Variants in GAD2 observed in about 807,000 individuals in gnomAD.
The protein encoded by GAD2 is 65 kDa glutamic acid decarboxylase.
A neutral mutation model predicts 80.1 loss-of-function variants in GAD2; 22 were observed. The ratio of observed to expected loss-of-function variants is 0.27; its 90% CI spans 0.20 to 0.39. The LOEUF (loss-of-function observed/expected upper bound fraction) is 0.39. GAD2 is among the 10% of genes least tolerant of loss of function. GAD2 has a pLI of 1.00. For synonymous variants in GAD2, 274 were observed against 256.9 expected (o/e 1.07, Z -0.64); for missense variants, 624 against 738.4 (o/e 0.85, Z 1.80).
rs59054319 is a variant in GAD2 at position 26,218,551 on chromosome 10, TCACA to T, written c.287-458_287-455del. Among the ~76,000 whole-genome samples the T allele has an allele frequency of 1.1e-3, 128 of 118,850 alleles. 1 individual carries two copies. The highest frequency in any genetic ancestry group is 3.9e-3 in the East Asian group (14 of 3,616). The allele number at this position is 118,850 out of a possible 152,430, so 78.0% of individuals were successfully genotyped here. A position where few individuals can be genotyped will look rare whatever the true frequency, so the allele number is the denominator to read the frequency against. On this transcript the variant is annotated intron_variant, in intron 3 of 15. Transcript: ENST00000376261. ...CATGCATACGCTCTCTCTCTCTCTC[TCACA>T]CACACACACACACACACACACACAC...
At chr10:26,274,287 T>C (rs1279835064) in intron 11 of GAD2, among the ~76,000 whole-genome samples, 1 of 152,226 alleles carries the variant, frequency 6.6e-6, no homozygotes, top group African/African-American at 2.4e-5. Context: ...GCACCTTTTA[T>C]TTAGAGCCTA....
At chr10:26,280,459 G>A (rs1253511061) in intron 11 of GAD2, among the ~76,000 whole-genome samples, 1 of 152,020 alleles carries the variant, frequency 6.6e-6, no homozygotes, top group East Asian at 1.9e-4. Context: ...ACTGGGGAGG[G>A]GCCTTCCAGG....
chr10:26,217,691 C>T lies in GAD2; in HGVS notation c.136+22C>T. On this transcript the variant is annotated intron_variant, in intron 2 of 15. Coordinates refer to ENST00000376261, the MANE Select transcript of GAD2 (RefSeq NM_001134366.2). This position sits in a 1 kb window ranked among gnomAD's most constrained non-coding sequence, Gnocchi z 4.9. Reference sequence around the variant, plus strand: ...TGCGGTGAGTGCCCAGGGACCGGGGCGGCCAAGGTCGGCCCGCGGGGTCCA... The same window carrying T: ...TGCGGTGAGTGCCCAGGGACCGGGGTGGCCAAGGTCGGCCCGCGGGGTCCA... The T allele has an allele frequency of 6.2e-7, 1 of 1,610,730 alleles. No individual in the cohort carries two copies. The highest frequency in any genetic ancestry group is 8.5e-7 in the Non-Finnish European group (1 of 1,178,368).
At chr10:26,241,550 C>CTTT (rs562624565) in intron 7 of GAD2, among the ~76,000 whole-genome samples, 229 of 143,326 alleles carry the variant, frequency 1.6e-3, no homozygotes, top group African/African-American at 5.3e-3. Context: ...CTGCTCATTT[C>CTTT]TTTTTTTTTT....
chr10:26,229,133 G>T (rs1350591737), intron 6 of GAD2, among the ~76,000 whole-genome samples: 1 of 151,936 alleles, frequency 6.6e-6, no homozygotes, highest in Non-Finnish European at 1.5e-5. Flanking sequence ...GATAGAGGTG[G>T]CAGTGAGCGG....
chr10:26,290,494 C>T (rs919816814), intron 13 of GAD2, among the ~76,000 whole-genome samples: 13 of 152,118 alleles, frequency 8.5e-5, no homozygotes, highest in Non-Finnish European at 1.2e-4. Context: ...GAGTTCAGTG[C>T]ATATTATGAA....
At chr10:26,265,205 C>CTTTTTTTTTTTTTTTTTTTTTCTTT (rs66464746) in intron 8 of GAD2, among the ~76,000 whole-genome samples, 1 of 137,052 alleles carries the variant, frequency 7.3e-6, no homozygotes. Context: ...CATCATACGA[C>CTTTTTTTTTTTTTTTTTTTTTCTTT]TTTTTTTTTT....
chr10:26,231,733 C>A (rs1219717802), intron 7 of GAD2, among the ~76,000 whole-genome samples: 1 of 152,136 alleles, frequency 6.6e-6, no homozygotes, highest in Admixed American at 6.5e-5. Flanking sequence ...CTGCATTCTT[C>A]CTCGAGGCTC....
At chr10:26,294,532 G>T (rs1336141819) in intron 15 of GAD2, among the ~76,000 whole-genome samples, 1 of 152,212 alleles carries the variant, frequency 6.6e-6, no homozygotes, top group Non-Finnish European at 1.5e-5. Flanking sequence ...AATGTAATCA[G>T]ATTGTGCTTG....
intron 8 of GAD2, among the ~76,000 whole-genome samples, chr10:26,254,710 A>G: frequency 6.6e-6 from 1 of 152,230 alleles, no homozygotes. Context: ...TTTGTGTTAG[A>G]AAGATTATTT....
At chr10:26,261,947 C>A (rs530862340) in intron 8 of GAD2, among the ~76,000 whole-genome samples, 1 of 152,286 alleles carries the variant, frequency 6.6e-6, no homozygotes, top group East Asian at 1.9e-4. Flanking sequence ...CCTTTGCATT[C>A]TTGCAACAAA....
At chr10:26,225,437 A>G (rs975076307) in intron 6 of GAD2, among the ~76,000 whole-genome samples, 5 of 152,234 alleles carry the variant, frequency 3.3e-5, no homozygotes, top group Non-Finnish European at 7.3e-5. Flanking sequence ...TCACTGACCC[A>G]TGGAAAAGAA....
At chr10:26,283,403 A>G (rs981115179) in intron 12 of GAD2, among the ~76,000 whole-genome samples, 3 of 152,252 alleles carry the variant, frequency 2.0e-5, no homozygotes, top group Admixed American at 2.0e-4. Flanking sequence ...TCTTAGGTCC[A>G]TGTATACCGT....
chr10:26,292,418 T>C, intron 13 of GAD2, 47 bp from the exon 14 acceptor site: 1 of 1,426,110 alleles, frequency 7.0e-7, no homozygotes, highest in African/African-American at 1.4e-5. Context: ...AATCGCTTCC[T>C]CCGCACTCTT....
intron 11 of GAD2, among the ~76,000 whole-genome samples, chr10:26,276,181 A>C (rs1461060910): frequency 1.3e-5 from 2 of 151,892 alleles, no homozygotes; most frequent in Non-Finnish European, 2.9e-5. Flanking sequence ...AAAAATAAAA[A>C]TAAATAAATA....
At chr10:26,285,346 A>G (rs1845319117) in intron 12 of GAD2, among the ~76,000 whole-genome samples, 1 of 152,220 alleles carries the variant, frequency 6.6e-6, no homozygotes, top group African/African-American at 2.4e-5. Context: ...ACTTCAACTA[A>G]GTGATGACAC....
intron 12 of GAD2, among the ~76,000 whole-genome samples, chr10:26,281,303 C>A (rs1410397727): frequency 6.6e-6 from 1 of 152,144 alleles, no homozygotes; most frequent in African/African-American, 2.4e-5. Context: ...AGAACATAAA[C>A]TTTGACCTAA....
chr10:26,239,491 A>C (rs1013426252), intron 7 of GAD2, among the ~76,000 whole-genome samples: 1 of 152,250 alleles, frequency 6.6e-6, no homozygotes, highest in African/African-American at 2.4e-5. Context: ...TAGTTAAGGC[A>C]ATAAATAGTG....
rs752962024 is a variant in GAD2 at position 26,292,853 on chromosome 10, CA to C, written c.1495-45del. The C allele has an allele frequency of 1.7e-5, 25 of 1,492,498 alleles. No individual in the cohort carries two copies. The South Asian group carries it at 2.6e-4, about 16-fold the overall frequency. 92.5% of individuals were successfully genotyped at this position (1,492,498 alleles called of 1,614,324 possible). Reference sequence around the variant, plus strand: ...CGATTTGAAATGTTCTTGGAATTTTCAAAATTGCCAGCCTGGGCCAAATGTG... The same window carrying C: ...CGATTTGAAATGTTCTTGGAATTTTCAAATTGCCAGCCTGGGCCAAATGTG... On this transcript the variant is annotated intron_variant, in intron 14 of 15. Coordinates refer to ENST00000376261, the MANE Select transcript of GAD2 (RefSeq NM_001134366.2).
Sources: allele counts gnomAD v4.1 joint callset (sites outside exome capture counted in the v4.1 genomes callset), GRCh38; gene constraint gnomAD v4.1.1; non-coding constraint Gnocchi (gnomAD v3.1); transcripts MANE v1.5; gene names NCBI Gene and HGNC (gene_info 2026-07-23, HGNC 2026-07-21).